The following ARHGAP26 variants were observed in gnomAD, a reference collection of about 807,000 sequenced individuals.
The protein encoded by ARHGAP26 is rho GTPase-activating protein 26.
A neutral mutation model predicts 104.8 loss-of-function variants in ARHGAP26; 38 were observed. That is an observed-to-expected ratio of 0.36 (90% confidence interval 0.28 to 0.48). ARHGAP26 has a LOEUF of 0.48. Ranked by LOEUF, ARHGAP26 falls within the 20% of genes least tolerant of loss-of-function variation. ARHGAP26 has a pLI of 0.99. For missense variants in ARHGAP26, 704 were observed against 947.9 expected, an observed-to-expected ratio of 0.74 and a Z score of 3.38; for synonymous variants, 341 against 340.0, an observed-to-expected ratio of 1.00 and a Z score of -0.03.
Position 143,110,039 on chromosome 5 carries a change from G to A in ARHGAP26, c.1539-10949G>A, listed in dbSNP as rs368171155. The stretch of plus-strand genomic sequence containing the variant: ...AGCATGCCACCCAGGTACTTACCCC[G>A]AGGTGTTTGTACCTGCTGTTTCCTC... On this transcript the variant is annotated intron_variant, in intron 17 of 22. Coordinates refer to ENST00000645722, the MANE Select transcript of ARHGAP26 (RefSeq NM_001135608.3). 5.9e-5 allele frequency among the ~76,000 whole-genome samples: 9 copies of A among 152,256 alleles called. No individual in the cohort carries two copies. The East Asian group carries it at 1.4e-3, about 23-fold the overall frequency.
chr5:143,045,042 A>G (rs1784032477), intron 14 of ARHGAP26, among the ~76,000 whole-genome samples: 1 of 152,232 alleles, frequency 6.6e-6, no homozygotes, highest in South Asian at 2.1e-4. Flanking sequence ...CTGGTTTGCT[A>G]ATCTAAAAAA....
At chr5:142,923,857 C>CTTTTTTT (rs11389284) in intron 10 of ARHGAP26, among the ~76,000 whole-genome samples, 26 of 105,876 alleles carry the variant, frequency 2.5e-4, no homozygotes, top group East Asian at 1.2e-3. Context: ...GGATCAGATC[C>CTTTTTTT]TTTTTTTTTT....
chr5:143,132,158 G>A (rs1409361476), intron 18 of ARHGAP26, among the ~76,000 whole-genome samples: 3 of 152,124 alleles, frequency 2.0e-5, no homozygotes, highest in Non-Finnish European at 4.4e-5. Flanking sequence ...TCAGACAGCT[G>A]TGTTTCGGAG....
At chr5:143,047,569 T>C (rs1397853431) in intron 14 of ARHGAP26, among the ~76,000 whole-genome samples, 1 of 152,242 alleles carries the variant, frequency 6.6e-6, no homozygotes, top group Non-Finnish European at 1.5e-5. Context: ...AGTGTGTAGT[T>C]AGCAAAGTCT....
intron 17 of ARHGAP26, among the ~76,000 whole-genome samples, chr5:143,097,959 G>GT (rs1792655922): frequency 6.6e-6 from 1 of 152,060 alleles, no homozygotes; most frequent in African/African-American, 2.4e-5. Context: ...AAGTCTGGAG[G>GT]TTTTTTTAAT....
At chr5:142,943,758 T>G (rs1766716340) in intron 11 of ARHGAP26, among the ~76,000 whole-genome samples, 1 of 152,234 alleles carries the variant, frequency 6.6e-6, no homozygotes, top group Non-Finnish European at 1.5e-5. Flanking sequence ...TAGCATTTTT[T>G]GCAAGCCTCA....
At chr5:142,903,709 G>A (rs767440009) in intron 8 of ARHGAP26, 40 bp downstream of exon 8, 2 of 1,599,612 alleles carry the variant, frequency 1.3e-6, no homozygotes, top group Non-Finnish European at 1.7e-6. Context: ...ATGTACTCAG[G>A]CCTCTTACCT....
At chr5:142,797,668 C>A (rs1472575136) in intron 1 of ARHGAP26, among the ~76,000 whole-genome samples, 2 of 152,220 alleles carry the variant, frequency 1.3e-5, no homozygotes, top group African/African-American at 2.4e-5. Context: ...CAGCAACCCT[C>A]GTCTGTGATT....
intron 18 of ARHGAP26, among the ~76,000 whole-genome samples, chr5:143,130,986 C>T (rs180766267): frequency 1.2e-4 from 18 of 152,330 alleles, no homozygotes; most frequent in South Asian, 4.1e-4. Context: ...GCCCTATCAG[C>T]GGTCTTCAGG....
intron 15 of ARHGAP26, among the ~76,000 whole-genome samples, chr5:143,054,961 A>G (rs1383220938): frequency 1.3e-5 from 2 of 152,218 alleles, no homozygotes; most frequent in Non-Finnish European, 2.9e-5. Flanking sequence ...TGAGAACTTA[A>G]TGGAACTCCT....
intron 1 of ARHGAP26, among the ~76,000 whole-genome samples, chr5:142,851,501 G>A (rs1394329541): frequency 1.3e-5 from 2 of 152,216 alleles, no homozygotes; most frequent in African/African-American, 4.8e-5. Context: ...TAGTAGTTCA[G>A]TTCAGTTGTT....
intron 11 of ARHGAP26, among the ~76,000 whole-genome samples, chr5:143,011,522 A>G (rs914014744): frequency 1.3e-5 from 2 of 152,074 alleles, no homozygotes; most frequent in African/African-American, 4.8e-5. Flanking sequence ...GGATAAGTAA[A>G]CGAATTGCAA....
At chr5:142,855,880 T>G (rs1752275789) in intron 1 of ARHGAP26, among the ~76,000 whole-genome samples, 1 of 145,070 alleles carries the variant, frequency 6.9e-6, no homozygotes, top group Admixed American at 6.7e-5. Flanking sequence ...TCCAGTGACT[T>G]ATTACCAGGA....
intron 17 of ARHGAP26, among the ~76,000 whole-genome samples, chr5:143,067,377 C>T (rs537021176): frequency 1.2e-4 from 19 of 152,240 alleles, no homozygotes; most frequent in South Asian, 2.1e-4. Flanking sequence ...TTTCCTTTCC[C>T]GAGTTACTGA....
chr5:142,831,972 C>T (rs902278152), intron 1 of ARHGAP26, among the ~76,000 whole-genome samples: 1 of 152,178 alleles, frequency 6.6e-6, no homozygotes, highest in South Asian at 2.1e-4. Flanking sequence ...CATTACTCCT[C>T]CTAAAGCACA....
chr5:143,172,936 G>A (rs1463227067), intron 20 of ARHGAP26: 1 of 178,822 alleles, frequency 5.6e-6, no homozygotes, highest in Non-Finnish European at 1.2e-5. Context: ...TATTGAGGCT[G>A]ACTGGAATTC....
At position 143,018,279 on chromosome 5, in the gene ARHGAP26, C is replaced by T. The variant is rs150353653; in HGVS notation, c.1144+4163C>T. Among the ~76,000 whole-genome samples the T allele has an allele frequency of 2.0e-5, 3 of 152,330 alleles. No homozygotes were observed. In the East Asian group the frequency reaches 5.8e-4, roughly 29 times the overall value. ...GATTTAGCCAGTTTAAATATGTTCT[C>T]ATCTTGTCATCTGTCTGTTAATACG... On this transcript the variant is annotated intron_variant, in intron 12 of 22. Transcript: ENST00000645722.
chr5:143,205,796 G>A (rs569728040), intron 20 of ARHGAP26, among the ~76,000 whole-genome samples: 12 of 152,272 alleles, frequency 7.9e-5, no homozygotes, highest in Non-Finnish European at 1.2e-4. Context: ...GGCTTGTTGC[G>A]TGGGTAAATG....
At chr5:142,847,456 C>T (rs1225385661) in intron 1 of ARHGAP26, among the ~76,000 whole-genome samples, 1 of 151,986 alleles carries the variant, frequency 6.6e-6, no homozygotes, top group African/African-American at 2.4e-5. Flanking sequence ...CTCCCGGGTT[C>T]AAGCCATTCT....
Sources: allele counts gnomAD v4.1 joint callset (sites outside exome capture counted in the v4.1 genomes callset), GRCh38; gene constraint gnomAD v4.1.1; transcripts MANE v1.5; gene names NCBI Gene and HGNC (gene_info 2026-07-23, HGNC 2026-07-21).